ARID1B: variants seen among roughly 807,000 people sequenced by gnomAD.
ARID1B encodes the protein AT-rich interaction domain 1B.
Under a neutral mutation model 212.3 loss-of-function variants are expected in ARID1B, and 30 were observed. The ratio of observed to expected loss-of-function variants is 0.14; its 90% CI spans 0.11 to 0.19. The LOEUF (loss-of-function observed/expected upper bound fraction) is 0.19, where lower values mean the gene tolerates loss of function less well. ARID1B is among the 10% of genes least tolerant of loss of function. ARID1B has a pLI of 1.00. For synonymous variants in ARID1B, 1,402 were observed against 1,301.7 expected (o/e 1.08, Z -1.66); for missense variants, 2,891 against 3,204.0 (o/e 0.90, Z 2.36).
At chr6:156,945,097 G>GTTTT (rs1275218412) in intron 4 of ARID1B, among the ~76,000 whole-genome samples, 19 of 100,172 alleles carry the variant, frequency 1.9e-4, no homozygotes, top group African/African-American at 6.6e-4. Flanking sequence ...TAATTTTTTT[G>GTTTT]TATATTTTTT....
intron 3 of ARID1B, among the ~76,000 whole-genome samples, chr6:156,902,723 G>A (rs1371449561): frequency 4.9e-5 from 6 of 121,692 alleles, no homozygotes; most frequent in Non-Finnish European, 8.0e-5. Flanking sequence ...GCAACAGAGT[G>A]AGACTCTGTC....
chr6:156,820,754 T>G (rs1302571240), intron 1 of ARID1B, among the ~76,000 whole-genome samples: 8 of 152,200 alleles, frequency 5.3e-5, no homozygotes, highest in Non-Finnish European at 1.2e-4. Context: ...TTTCTAAACT[T>G]TGGATTTATT....
At chr6:156,935,661 AT>A in intron 4 of ARID1B, 85 bp downstream of exon 4, 1 of 1,219,000 alleles carries the variant, frequency 8.2e-7, no homozygotes. Flanking sequence ...TCTACTTTAT[AT>A]TATGACATGA....
intron 5 of ARID1B, among the ~76,000 whole-genome samples, chr6:157,086,994 A>C (rs1367884306): frequency 6.6e-6 from 1 of 152,206 alleles, no homozygotes; most frequent in Non-Finnish European, 1.5e-5. Flanking sequence ...CACGTTATTT[A>C]AAGTGTATAG....
At chr6:157,029,106 C>A (rs1283897200) in intron 4 of ARID1B, among the ~76,000 whole-genome samples, 3 of 152,134 alleles carry the variant, frequency 2.0e-5, no homozygotes, top group South Asian at 2.1e-4. Flanking sequence ...AAGAACTAAT[C>A]CTTTTTAAGG....
intron 4 of ARID1B, chr6:157,036,532 T>C (rs924728895): frequency 3.6e-5 from 10 of 278,678 alleles, no homozygotes; most frequent in African/African-American, 2.2e-4. Flanking sequence ...GTGAGAAGGA[T>C]GATTCTACTC....
Position 157,190,242 on chromosome 6 carries a change from G to C in ARID1B, c.4231+32G>C. On this transcript the variant is annotated intron_variant, in intron 15 of 19. Transcript: ENST00000636930. This position sits in a 1 kb window ranked among gnomAD's most constrained non-coding sequence, Gnocchi z 4.6. Reference sequence around the variant, plus strand: ...GTAGAGGGGCCTCCACCCGGCCATGGACCAGTGGGCATTCTACTCTCTGCC... The same window carrying C: ...GTAGAGGGGCCTCCACCCGGCCATGCACCAGTGGGCATTCTACTCTCTGCC... 1 of 1,583,378 alleles carries C rather than the reference G, an allele frequency of 6.3e-7. No individual in the cohort carries two copies. Among genetic ancestry groups the C allele is most frequent in the Non-Finnish European group, 8.6e-7 (1 of 1,169,144 alleles).
chr6:157,051,874 T>C (rs1044720877), intron 4 of ARID1B, among the ~76,000 whole-genome samples: 6 of 152,238 alleles, frequency 3.9e-5, no homozygotes, highest in Non-Finnish European at 7.3e-5. Flanking sequence ...ACATGATATA[T>C]TACTTTGTAA....
chr6:157,202,832 A>G (rs1174507950), intron 18 of ARID1B, among the ~76,000 whole-genome samples: 1 of 151,378 alleles, frequency 6.6e-6, no homozygotes, highest in Non-Finnish European at 1.5e-5. Flanking sequence ...AGACACAGAC[A>G]CTGAGCACCA....
At chr6:157,083,677 A>C (rs1193716465) in intron 4 of ARID1B, among the ~76,000 whole-genome samples, 5 of 152,218 alleles carry the variant, frequency 3.3e-5, no homozygotes, top group Non-Finnish European at 5.9e-5. Context: ...CTCAGAGAGT[A>C]TGGTGATAAA....
intron 4 of ARID1B, among the ~76,000 whole-genome samples, chr6:157,044,410 A>G (rs1332480478): frequency 6.6e-6 from 1 of 152,190 alleles, no homozygotes; most frequent in Non-Finnish European, 1.5e-5. Context: ...CTTCCCTCAT[A>G]TAAAAACAAA....
rs1778728762 is a variant in ARID1B at position 156,777,797 on chromosome 6, C to T, written c.117C>T (p.Asp39=). 5 of 953,526 alleles carry T rather than the reference C, an allele frequency of 5.2e-6. No individual in the cohort carries two copies. The highest frequency in any genetic ancestry group is 1.8e-5 in the African/African-American group (1 of 55,064). 59.1% of individuals were successfully genotyped at this position (953,526 alleles called of 1,614,324 possible). A position where few individuals can be genotyped will look rare whatever the true frequency, so the allele number is the denominator to read the frequency against. ...CGCGGCCGGCGCCCGGAGCCCGGGACCTGGAGGCGGGGGCGCGCGGCGCGG... is the reference window on the plus strand; with the variant it reads ...CGCGGCCGGCGCCCGGAGCCCGGGATCTGGAGGCGGGGGCGCGCGGCGCGG... ...PGPRPAPGAR[D]LEAGARGAAA... is the part of the protein sequence containing the mutation. The change falls in exon 1 of 20, where the codon GAC becomes GAT. Residue 39 remains aspartate, a synonymous_variant. Transcript: ENST00000636930.
chr6:156,843,598 G>GC (rs1784043036), intron 2 of ARID1B, among the ~76,000 whole-genome samples: 1 of 152,034 alleles, frequency 6.6e-6, no homozygotes, highest in African/African-American at 2.4e-5. Flanking sequence ...CAGGAATGTA[G>GC]GGGGGGTGTT....
chr6:156,813,753 C>T (rs1716007665), intron 1 of ARID1B, among the ~76,000 whole-genome samples: 1 of 152,194 alleles, frequency 6.6e-6, no homozygotes, highest in African/African-American at 2.4e-5. Context: ...ATATATTAGG[C>T]TTTCATAAGA....
intron 4 of ARID1B, among the ~76,000 whole-genome samples, chr6:157,045,010 A>G (rs1782137337): frequency 6.6e-6 from 1 of 152,218 alleles, no homozygotes; most frequent in Non-Finnish European, 1.5e-5. Context: ...TAGAACAGCC[A>G]TTTTAAAAAT....
intron 5 of ARID1B, among the ~76,000 whole-genome samples, chr6:157,091,517 A>G (rs1785282742): frequency 6.6e-6 from 1 of 152,238 alleles, no homozygotes; most frequent in Non-Finnish European, 1.5e-5. Flanking sequence ...GAAGGATGCT[A>G]TAATGGGAAA....
chr6:156,907,349 A>G (rs1197448137), intron 3 of ARID1B, among the ~76,000 whole-genome samples: 1 of 152,038 alleles, frequency 6.6e-6, no homozygotes, highest in South Asian at 2.1e-4. Context: ...TTTTGAATCT[A>G]TTGAGATGAT....
intron 2 of ARID1B, among the ~76,000 whole-genome samples, chr6:156,840,831 T>C (rs752159439): frequency 6.6e-6 from 1 of 152,136 alleles, no homozygotes; most frequent in African/African-American, 2.4e-5. Flanking sequence ...TCTAACCCCA[T>C]TGAGTAAATT....
intron 6 of ARID1B, among the ~76,000 whole-genome samples, chr6:157,126,256 T>C (rs1006323718): frequency 6.6e-6 from 1 of 152,132 alleles, no homozygotes; most frequent in Non-Finnish European, 1.5e-5. Flanking sequence ...TCAGGGTGAA[T>C]GATCTTGTAA....
Sources: allele counts gnomAD v4.1 joint callset (sites outside exome capture counted in the v4.1 genomes callset), GRCh38; gene constraint gnomAD v4.1.1; non-coding constraint Gnocchi (gnomAD v3.1); transcripts MANE v1.5; gene names NCBI Gene and HGNC (gene_info 2026-07-23, HGNC 2026-07-21).